PADI3: variants seen among roughly 807,000 people sequenced by gnomAD.
PADI3 encodes protein-arginine deiminase type-3.
PADI3 carries 53 observed loss-of-function variants against 71.5 expected under a neutral mutation model. The ratio of observed to expected loss-of-function variants is 0.74; its 90% CI spans 0.59 to 0.93. PADI3 has a LOEUF of 0.93. PADI3 is among the 40% of genes least tolerant of loss of function. PADI3 has a pLI of 0.00. For missense variants in PADI3, 821 were observed against 868.0 expected (o/e 0.95, Z 0.68); for synonymous variants, 361 against 347.5 (o/e 1.04, Z -0.43).
At chr1:17,266,327 G>C (rs1422588865) in intron 4 of PADI3, among the ~76,000 whole-genome samples, 1 of 152,220 alleles carries the variant, frequency 6.6e-6, no homozygotes, top group African/African-American at 2.4e-5. Context: ...AGGCTTCCTG[G>C]AGGGACGTAC....
chr1:17,274,947 G>A (rs2073307784), intron 11 of PADI3, among the ~76,000 whole-genome samples, 161 bp downstream of exon 11: 1 of 152,094 alleles, frequency 6.6e-6, no homozygotes, highest in African/African-American at 2.4e-5. Flanking sequence ...GTGTTCACCA[G>A]ACACAGTCCA....
intron 5 of PADI3, among the ~76,000 whole-genome samples, chr1:17,267,149 A>G (rs1275689937): frequency 2.0e-5 from 3 of 152,154 alleles, no homozygotes; most frequent in East Asian, 1.9e-4. Context: ...CCTTTTCCCC[A>G]AATTCTCATT....
intron 13 of PADI3, among the ~76,000 whole-genome samples, chr1:17,280,000 C>A (rs1241819384): frequency 1.3e-5 from 2 of 152,212 alleles, no homozygotes; most frequent in Non-Finnish European, 2.9e-5. Context: ...TGGGCAGCAA[C>A]TGACCCAGCT....
chr1:17,282,996 C>T lies in PADI3; in HGVS notation c.1912C>T (p.His638Tyr), dbSNP rs143886979. The T allele has an allele frequency of 1.1e-3, 1,698 of 1,614,212 alleles. 1 individual carries two copies. The highest frequency in any genetic ancestry group is 1.4e-3 in the Non-Finnish European group (1,635 of 1,180,022). Residue 638 changes from histidine to tyrosine, a missense_variant, in exon 16 of 16, where the codon CAC becomes TAC. Transcript: ENST00000375460. ...CTFIDDFTPY[H>Y]MLHGEVHCGT... ...CTTCATTGATGACTTCACTCCATAC[C>T]ACATGCTGCATGGGGAGGTGCACTG... is the stretch of plus-strand genomic sequence containing the variant.
In PADI3 at chr1:17,267,960, G is replaced by A. The variant is rs2073194178; in HGVS notation, c.650G>A (p.Cys217Tyr). 1 of 1,614,106 alleles carries A rather than the reference G, an allele frequency of 6.2e-7. No individual in the cohort carries two copies. ...DAKRAQVFHI[C>Y]GPEDVCEAYR... ...AAACGGGCACAGGTCTTCCACATCTGCGGTGAGTTTGTGCCACTGCCCCTT... is the reference window on the plus strand; with the variant it reads ...AAACGGGCACAGGTCTTCCACATCTACGGTGAGTTTGTGCCACTGCCCCTT... The change falls in exon 6 of 16, where the codon TGC (cysteine) becomes TAC (tyrosine). Residue 217 changes from cysteine to tyrosine, a missense_variant and splice_region_variant. Coordinates refer to ENST00000375460, the MANE Select transcript of PADI3 (RefSeq NM_016233.2).
rs1212292961 is a variant in PADI3, at chr1:17,268,086, G to A, written c.652+124G>A. The stretch of plus-strand genomic sequence containing the variant: ...TTACACTCCGGGAGATGCCCTGGTG[G>A]GTGGCGGGTCGCAGTAAGAACAGTC... On this transcript the variant is annotated intron_variant, in intron 6 of 15. Coordinates refer to ENST00000375460, the MANE Select transcript of PADI3 (RefSeq NM_016233.2). 2.6e-6 allele frequency: 3 copies of A among 1,150,454 alleles called. No individual in the cohort carries two copies. The African/African-American group carries it at 4.6e-5, about 18-fold the overall frequency. 71.3% of individuals were successfully genotyped at this position (1,150,454 alleles called of 1,614,324 possible).
Position 17,271,854 on chromosome 1 carries a change from A to AAGAG in PADI3, c.1047+692_1047+695dup, listed in dbSNP as rs1338360878. ...ACAACAACAAAAAAAAAAAAAAAAA[A>AAGAG]AGAGAGAGAGAGAGAGAGAAAAAGA... On this transcript the variant is annotated intron_variant, in intron 9 of 15. Coordinates refer to ENST00000375460, the MANE Select transcript of PADI3 (RefSeq NM_016233.2). Among the ~76,000 whole-genome samples, 747 of 132,316 alleles carry AAGAG rather than the reference A, an allele frequency of 5.6e-3. 17 individuals are homozygous for AAGAG. Among genetic ancestry groups the AAGAG allele is most frequent in the African/African-American group, 0.021 (720 of 34,112 alleles). The allele number at this position is 132,316 out of a possible 152,430, so 86.8% of individuals were successfully genotyped here.
At chr1:17,281,954 T>C (rs2073407066) in intron 15 of PADI3, among the ~76,000 whole-genome samples, 1 of 151,996 alleles carries the variant, frequency 6.6e-6, no homozygotes, top group Non-Finnish European at 1.5e-5. Flanking sequence ...TCTCCACTCC[T>C]CCCCACCTCA....
chr1:17,265,088 A>G (rs553182802), intron 3 of PADI3, among the ~76,000 whole-genome samples: 1 of 152,166 alleles, frequency 6.6e-6, no homozygotes, highest in South Asian at 2.1e-4. Context: ...TTTAAGAACT[A>G]AGAAGACTGC....
At position 17,283,427 on chromosome 1, in the gene PADI3, A is replaced by G. The variant is rs2073426771; in HGVS notation, c.*348A>G. On this transcript the variant is annotated 3_prime_UTR_variant, in exon 16 of 16. Transcript: ENST00000375460. ...GGGTCTAGAAACATCCACGTATCTCATCAGCCATCTTGTCCTGTGCATCCT... is the reference window on the plus strand; with the variant it reads ...GGGTCTAGAAACATCCACGTATCTCGTCAGCCATCTTGTCCTGTGCATCCT... 8.1e-6 allele frequency: 2 copies of G among 246,600 alleles called. No individual in the cohort carries two copies. The highest frequency in any genetic ancestry group is 4.5e-5 in the African/African-American group (2 of 44,396). 15.3% of individuals were successfully genotyped at this position (246,600 alleles called of 1,614,324 possible). A position where few individuals can be genotyped will look rare whatever the true frequency, so the allele number is the denominator to read the frequency against.
chr1:17,259,553 G>A (rs1326382439), intron 1 of PADI3, 25 bp from the exon 2 acceptor site: 4 of 1,556,064 alleles, frequency 2.6e-6, no homozygotes, highest in East Asian at 4.6e-5. Flanking sequence ...CTTCGGCACC[G>A]ACCATGGCTC....
intron 13 of PADI3, among the ~76,000 whole-genome samples, chr1:17,279,106 G>T (rs1400087173): frequency 6.6e-6 from 1 of 152,150 alleles, no homozygotes; most frequent in East Asian, 1.9e-4. Flanking sequence ...CCAGGAATGG[G>T]TTGAGCAGAG....
intron 1 of PADI3, among the ~76,000 whole-genome samples, chr1:17,250,139 G>A (rs1021025796): frequency 6.6e-6 from 1 of 152,170 alleles, no homozygotes; most frequent in Non-Finnish European, 1.5e-5. Flanking sequence ...GGCTTTTGGG[G>A]AGAATCCAGG....
intron 1 of PADI3, among the ~76,000 whole-genome samples, chr1:17,251,982 G>A (rs1294822842): frequency 1.3e-5 from 2 of 152,208 alleles, no homozygotes; most frequent in African/African-American, 4.8e-5. Context: ...TCAGACCCTT[G>A]AAGGATGAGG....
At chr1:17,277,138 G>A (rs943059907) in intron 13 of PADI3, among the ~76,000 whole-genome samples, 2 of 152,210 alleles carry the variant, frequency 1.3e-5, no homozygotes, top group African/African-American at 4.8e-5. Context: ...CAGGTGACCA[G>A]TGCAGTCACG....
At chr1:17,271,669 A>G (rs185560977) in intron 9 of PADI3, among the ~76,000 whole-genome samples, 16 of 151,928 alleles carry the variant, frequency 1.1e-4, no homozygotes, top group Admixed American at 9.9e-4. Context: ...CAACATGGTG[A>G]AACCCTGTCT....
intron 2 of PADI3, among the ~76,000 whole-genome samples, chr1:17,261,760 C>G (rs908471563): frequency 2.0e-5 from 3 of 152,236 alleles, no homozygotes; most frequent in Admixed American, 1.3e-4. Context: ...GTGCCGGGCT[C>G]AAGCCCGGGC....
chr1:17,278,816 A>T (rs2073366165), intron 13 of PADI3, among the ~76,000 whole-genome samples: 1 of 152,166 alleles, frequency 6.6e-6, no homozygotes. Context: ...TCAGAGAGAA[A>T]AAAAGCTCCT....
chr1:17,259,381 G>C (rs2073071478), intron 1 of PADI3, among the ~76,000 whole-genome samples, 197 bp from the exon 2 acceptor site: 1 of 152,208 alleles, frequency 6.6e-6, no homozygotes, highest in East Asian at 1.9e-4. Context: ...TTAAAGGAGT[G>C]AGTCACCACG....
Sources: gnomAD v4.1 joint callset for allele counts (sites outside exome capture counted in the v4.1 genomes callset) on GRCh38, gnomAD v4.1.1 for gene constraint, MANE v1.5 for transcripts, NCBI Gene and HGNC (gene_info 2026-07-23, HGNC 2026-07-21) for gene names.